Variants in C6orf163 observed in about 807,000 individuals in gnomAD.
C6orf163 encodes the protein uncharacterized protein C6orf163.
A neutral mutation model predicts 28.4 loss-of-function variants in C6orf163; 22 were observed. That is an observed-to-expected ratio of 0.78 (90% CI 0.55 to 1.11). The LOEUF is 1.11. Among genes scored for constraint, C6orf163 ranks in the 50% least tolerant of loss-of-function variants. The pLI, the probability that C6orf163 is intolerant of heterozygous loss-of-function variation, is 0.00. For synonymous variants in C6orf163, 110 were observed against 123.6 expected (o/e 0.89, Z 0.73); for missense variants, 342 against 389.1 (o/e 0.88, Z 1.02).
At chr6:87,357,477 A>T (rs1777522351) in intron 4 of C6orf163, 1 of 152,202 alleles carries the variant, frequency 6.6e-6, no homozygotes, top group Non-Finnish European at 1.5e-5. Flanking sequence ...CTTTTTCATT[A>T]GAACTCTTTA....
chr6:87,348,217 C>T, intron 1 of C6orf163: 1 of 984,182 alleles, frequency 1.0e-6, no homozygotes, highest in African/African-American at 1.7e-5. Context: ...GGTCCTCTAG[C>T]CTCTCTAGAC....
At chr6:87,352,596 T>G (rs1777433544) in intron 3 of C6orf163, among the ~76,000 whole-genome samples, 1 of 151,800 alleles carries the variant, frequency 6.6e-6, no homozygotes, top group African/African-American at 2.4e-5. Flanking sequence ...GACAATAATA[T>G]CAAAAAGTAA....
chr6:87,349,217 A>T (rs1407840976), intron 2 of C6orf163, among the ~76,000 whole-genome samples: 4 of 152,018 alleles, frequency 2.6e-5, no homozygotes, highest in African/African-American at 7.3e-5. Context: ...TGTAGGGAGG[A>T]CTCCTGCTCC....
chr6:87,353,493 A>G (rs926348528), intron 3 of C6orf163, among the ~76,000 whole-genome samples: 1 of 152,010 alleles, frequency 6.6e-6, no homozygotes, highest in African/African-American at 2.4e-5. Flanking sequence ...ATTCAGGCAT[A>G]CAACGGTCTT....
intron 3 of C6orf163, among the ~76,000 whole-genome samples, chr6:87,355,792 C>A (rs539262352): frequency 1.3e-5 from 2 of 152,192 alleles, no homozygotes; most frequent in African/African-American, 4.8e-5. Context: ...TGTGGATTTC[C>A]AAAATGGTGA....
chr6:87,362,859 C>T (rs573671274), intron 4 of C6orf163, among the ~76,000 whole-genome samples: 6 of 152,224 alleles, frequency 3.9e-5, no homozygotes, highest in African/African-American at 1.4e-4. Context: ...AACAGCCATA[C>T]ATTTGAGATC....
At position 87,350,449 on chromosome 6, in the gene C6orf163, G is replaced by A; in HGVS notation, c.299G>A (p.Arg100Lys). Reference protein sequence around the residue: ...VEKALEEANDRHKIEIQILKE... With the variant: ...VEKALEEANDKHKIEIQILKE... ...AAAGCACTTGAAGAAGCAAATGACA[G>A]ACACAAAATTGAAATTCAGATTTTG... The change falls in exon 3 of 5, where the codon AGA (arginine) becomes AAA (lysine). Residue 100 changes from arginine (R) to lysine (K), a missense_variant. Physicochemically the swap from Arg to Lys is conservative, Grantham distance 26. Coordinates refer to ENST00000388923, the MANE Select transcript of C6orf163 (RefSeq NM_001010868.3). The A allele has an allele frequency of 6.5e-7, 1 of 1,536,044 alleles. No homozygotes were observed. Among genetic ancestry groups the A allele is most frequent in the Non-Finnish European group, 8.7e-7 (1 of 1,146,352 alleles).
Position 87,348,920 on chromosome 6 carries a change from C to G in C6orf163, c.243+14C>G. ...GTATGGGCTCAGGTAAAAGAAGTTA[C>G]ATGTCAACCTAAAGTCCATCTTTAC... On this transcript the variant is annotated intron_variant, in intron 2 of 4. Coordinates refer to ENST00000388923, the MANE Select transcript of C6orf163 (RefSeq NM_001010868.3). 1.3e-6 allele frequency: 2 copies of G among 1,536,318 alleles called. No homozygotes were observed. The highest frequency in any genetic ancestry group is 1.7e-6 in the Non-Finnish European group (2 of 1,146,688).
At chr6:87,361,721 C>A (rs1237783716) in intron 4 of C6orf163, among the ~76,000 whole-genome samples, 1 of 152,202 alleles carries the variant, frequency 6.6e-6, no homozygotes. Context: ...AATGGAACCT[C>A]CATTCTCCTG....
intron 1 of C6orf163, chr6:87,347,572 T>C: frequency 1.0e-6 from 1 of 985,422 alleles, no homozygotes. Context: ...CCCTGTGTTT[T>C]TAAGATTCGC....
At chr6:87,346,093 T>A (rs2127929149) in intron 1 of C6orf163, among the ~76,000 whole-genome samples, 1 of 152,220 alleles carries the variant, frequency 6.6e-6, no homozygotes, top group East Asian at 1.9e-4. Flanking sequence ...ACTATAGGTT[T>A]CCATCTCTCT....
intron 3 of C6orf163, among the ~76,000 whole-genome samples, chr6:87,354,284 T>C (rs1777464423): frequency 6.6e-6 from 1 of 152,174 alleles, no homozygotes; most frequent in Admixed American, 6.5e-5. Context: ...TCTTGTTCTT[T>C]GAAGAAAAGA....
At chr6:87,358,124 A>G (rs978984365) in intron 4 of C6orf163, 13 of 152,234 alleles carry the variant, frequency 8.5e-5, no homozygotes, top group Admixed American at 5.2e-4. Flanking sequence ...TAATATATGG[A>G]GAGAGACCAC....
chr6:87,356,786 C>T, intron 4 of C6orf163: 1 of 320,110 alleles, frequency 3.1e-6, no homozygotes, highest in Non-Finnish European at 5.8e-6. Flanking sequence ...ATCATATCTT[C>T]TTCTTGTCCC....
chr6:87,348,425 C>G (rs1227509547), intron 1 of C6orf163: 2 of 992,906 alleles, frequency 2.0e-6, no homozygotes, highest in Admixed American at 6.0e-5. Flanking sequence ...TCTCCTGATG[C>G]TAGCCCTAGC....
At chr6:87,347,854 G>A in intron 1 of C6orf163, 1 of 985,462 alleles carries the variant, frequency 1.0e-6, no homozygotes, top group Non-Finnish European at 1.2e-6. Flanking sequence ...ATTACCTTCA[G>A]CTTAGAAATC....
chr6:87,346,620 C>T (rs941724552), intron 1 of C6orf163, among the ~76,000 whole-genome samples: 1 of 151,998 alleles, frequency 6.6e-6, no homozygotes, highest in African/African-American at 2.4e-5. Flanking sequence ...TTGAAATGTC[C>T]GTAGAAGAGC....
intron 3 of C6orf163, 176 bp from the exon 4 acceptor site, chr6:87,356,125 C>A: frequency 1.7e-6 from 1 of 598,216 alleles, no homozygotes; most frequent in Non-Finnish European, 2.9e-6. Context: ...TTTTGGTTCA[C>A]CTAACATCAT....
rs776135848 is a variant in C6orf163, at chr6:87,365,181, G to T, written c.775G>T (p.Gly259Trp). The T allele has an allele frequency of 3.9e-6, 6 of 1,551,662 alleles. No individual in the cohort carries two copies. In the African/African-American group the frequency reaches 8.2e-5, roughly 21 times the overall value. Residue 259 changes from glycine to tryptophan, a missense_variant, in exon 5 of 5, where the codon GGG becomes TGG. Gly to Trp is a radical substitution (Grantham distance 184). Transcript: ENST00000388923. ...GATGGATAAACTGGCTAACACCCAG[G>T]GGGAGCTGCTGTCTATAGCAAAACA... Reference protein sequence around the residue: ...NMMDKLANTQGELLSIAKQLG... With the variant: ...NMMDKLANTQWELLSIAKQLG...
Sources: allele counts gnomAD v4.1 joint callset (sites outside exome capture counted in the v4.1 genomes callset), GRCh38; gene constraint gnomAD v4.1.1; transcripts MANE v1.5; gene names NCBI Gene and HGNC (gene_info 2026-07-23, HGNC 2026-07-21).